Variants in LETM1 observed in about 807,000 individuals in gnomAD.
LETM1 encodes the protein mitochondrial proton/calcium exchanger protein.
LETM1 carries 50 observed loss-of-function variants against 74.5 expected under a neutral mutation model. The ratio of observed to expected loss-of-function variants is 0.67; its 90% confidence interval spans 0.53 to 0.85. LETM1 has a LOEUF of 0.85. Among genes scored for constraint, LETM1 ranks in the 40% least tolerant of loss-of-function variants. LETM1 has a pLI of 0.00. For synonymous variants in LETM1, 446 were observed against 407.1 expected (o/e 1.10, Z -1.15); for missense variants, 824 against 967.8 (o/e 0.85, Z 1.97).
Position 1,814,260 on chromosome 4 carries a change from T to TC in LETM1, c.*163dup. On this transcript the variant is annotated 3_prime_UTR_variant, in exon 14 of 14. Transcript: ENST00000302787. ...TCCGGGATTCCAGACAGACTGAATCTCCGTGGAATGATGAAAATTAAAATT... is the reference window on the plus strand; with the variant it reads ...TCCGGGATTCCAGACAGACTGAATCTCCCGTGGAATGATGAAAATTAAAATT... The TC allele has an allele frequency of 8.8e-7, 1 of 1,130,036 alleles. No individual in the cohort carries two copies. 70.0% of individuals were successfully genotyped at this position (1,130,036 alleles called of 1,614,324 possible).
At chr4:1,848,417 G>A (rs1226115714) in intron 2 of LETM1, among the ~76,000 whole-genome samples, 16 of 151,860 alleles carry the variant, frequency 1.1e-4, no homozygotes, top group Admixed American at 3.3e-4. Flanking sequence ...GCGTGGTGGC[G>A]GGCGCCTGTA....
At chr4:1,851,372 A>C (rs1713066184) in intron 1 of LETM1, among the ~76,000 whole-genome samples, 1 of 152,198 alleles carries the variant, frequency 6.6e-6, no homozygotes, top group South Asian at 2.1e-4. Context: ...AACGAGAGCC[A>C]CCGTGAGAGG....
At chr4:1,838,840 T>C (rs1395587310) in intron 3 of LETM1, among the ~76,000 whole-genome samples, 1 of 152,136 alleles carries the variant, frequency 6.6e-6, no homozygotes, top group Non-Finnish European at 1.5e-5. Flanking sequence ...GGCTGCACTC[T>C]CTGAGGCCCA....
chr4:1,852,038 C>T (rs990373444), intron 1 of LETM1, among the ~76,000 whole-genome samples: 13 of 152,158 alleles, frequency 8.5e-5, no homozygotes, highest in African/African-American at 2.9e-4. Context: ...GCTGGGAGCC[C>T]TTCTGTTCTT....
At chr4:1,841,918 C>G in intron 2 of LETM1, 121 bp from the exon 3 acceptor site, 1 of 732,702 alleles carries the variant, frequency 1.4e-6, no homozygotes, top group Non-Finnish European at 2.3e-6. Context: ...CACAACCACA[C>G]ACAATCCCAC....
intron 2 of LETM1, among the ~76,000 whole-genome samples, chr4:1,848,282 C>T (rs1304690668): frequency 1.3e-5 from 2 of 152,090 alleles, no homozygotes; most frequent in Admixed American, 6.6e-5. Context: ...GACGCGGTGG[C>T]TCATGCCTGT....
chr4:1,823,715 T>C lies in LETM1; in HGVS notation c.1261A>G (p.Met421Val). 1.9e-6 allele frequency: 3 copies of C among 1,613,800 alleles called. No homozygotes were observed. Among genetic ancestry groups the C allele is most frequent in the Non-Finnish European group, 2.5e-6 (3 of 1,179,884 alleles). ...GGAGAGAGGGTGTCCGGGAGGTACA[T>C]GGCCCGGGACAGGATGAGCAGCGAT... is the stretch of plus-strand genomic sequence containing the variant. ...PTSLLILSRA[M>V]YLPDTLSPAD... The change falls in exon 8 of 14, where the codon ATG becomes GTG. Residue 421 changes from methionine (M) to valine (V), a missense_variant. By Grantham distance (21) the Met-to-Val change is conservative. Coordinates refer to ENST00000302787, the MANE Select transcript of LETM1 (RefSeq NM_012318.3).
chr4:1,850,135 C>T lies in LETM1; in HGVS notation c.83-926G>A, dbSNP rs188835379. Among the ~76,000 whole-genome samples the T allele has an allele frequency of 1.8e-3, 271 of 151,486 alleles. 1 individual carries two copies. Among genetic ancestry groups the T allele is most frequent in the African/African-American group, 6.3e-3 (261 of 41,300 alleles). ...CACCATTGCACTCCAGCCTGGGCAA[C>T]AAGAGTGAAACTCCGTCTCAAAAAG... On this transcript the variant is annotated intron_variant, in intron 1 of 13. Coordinates refer to ENST00000302787, the MANE Select transcript of LETM1 (RefSeq NM_012318.3).
rs566954960 is a variant in LETM1, at chr4:1,849,158, C to T, written c.134G>A (p.Arg45Lys). 11 of 1,612,550 alleles carry T rather than the reference C, an allele frequency of 6.8e-6. No homozygotes were observed. The highest frequency in any genetic ancestry group is 1.6e-4 in the Middle Eastern group (1 of 6,062). ...HLSCASTLGL[R>K]NCLNVPFGCC... ...ATACTGATTTACTCACAGGCAGTTCCTCAACCCCAGGGTGCTGGCACAGCT... is the reference window on the plus strand; with the variant it reads ...ATACTGATTTACTCACAGGCAGTTCTTCAACCCCAGGGTGCTGGCACAGCT... The change falls in exon 2 of 14, where the codon AGG (arginine) becomes AAG (lysine). Residue 45 changes from arginine to lysine, a missense_variant. Physicochemically the swap from Arg to Lys is conservative, Grantham distance 26. This residue lies in a region of LETM1 where 222 missense variants were observed against 195.6 expected (regional missense o/e 1.14). Coordinates refer to ENST00000302787, the MANE Select transcript of LETM1 (RefSeq NM_012318.3).
intron 3 of LETM1, chr4:1,839,387 G>C (rs1712607172): frequency 6.6e-6 from 1 of 152,404 alleles, no homozygotes; most frequent in Non-Finnish European, 1.5e-5. Context: ...CACCTGTGCA[G>C]ATGCAGACCC....
chr4:1,856,022 G>T lies in LETM1; in HGVS notation c.-72C>A. On this transcript the variant is annotated 5_prime_UTR_variant, in exon 1 of 14. Transcript: ENST00000302787. ...TCCGCGGCGGCCGCGGCTCTTCGCCGTCCCGGCGGCGCTTCAGACCCGGCC... is the reference window on the plus strand; with the variant it reads ...TCCGCGGCGGCCGCGGCTCTTCGCCTTCCCGGCGGCGCTTCAGACCCGGCC... The T allele has an allele frequency of 1.9e-6, 2 of 1,027,814 alleles. No individual in the cohort carries two copies. The highest frequency in any genetic ancestry group is 2.5e-6 in the Non-Finnish European group (2 of 812,336). The allele number at this position is 1,027,814 out of a possible 1,614,324, so 63.7% of individuals were successfully genotyped here.
chr4:1,823,099 C>T lies in LETM1; in HGVS notation c.1365G>A (p.Val455=), dbSNP rs1004808265. The change falls in exon 9 of 14, where the codon GTG becomes GTA. Residue 455 remains valine, a synonymous_variant. Coordinates refer to ENST00000302787, the MANE Select transcript of LETM1 (RefSeq NM_012318.3). ...CCTTGTTGTCCACCTGCTCGCCCTC[C>T]ACCTCGGCCACTTTCACCTGTGCTT... ...AKEAQVKVAE[V]EGEQVDNKAK... 7 of 1,606,920 alleles carry T rather than the reference C, an allele frequency of 4.4e-6. No individual in the cohort carries two copies. The highest frequency in any genetic ancestry group is 5.1e-6 in the Non-Finnish European group (6 of 1,176,094).
rs1395665536 is a variant in LETM1 at position 1,836,599 on chromosome 4, G to C, written c.595-27C>G. 1 of 1,612,446 alleles carries C rather than the reference G, an allele frequency of 6.2e-7. No individual in the cohort carries two copies. Among genetic ancestry groups the C allele is most frequent in the East Asian group, 2.2e-5 (1 of 44,856 alleles). ...TGGAAGGGGCGGAATCCATCAGAGG[G>C]GAGCAGAGCACATGTGGGAACAAGG... On this transcript the variant is annotated intron_variant, in intron 3 of 13. Transcript: ENST00000302787. The surrounding 1 kb of genome is among the most constrained non-coding windows in gnomAD (Gnocchi z 5.8).
chr4:1,819,586 A>C, intron 10 of LETM1, 114 bp from the exon 11 acceptor site: 2 of 1,211,574 alleles, frequency 1.7e-6, no homozygotes, highest in Middle Eastern at 2.0e-4. Flanking sequence ...CAAGAGTCTC[A>C]CTGGACAGTC....
chr4:1,831,876 G>C (rs770883833), intron 6 of LETM1, among the ~76,000 whole-genome samples: 8 of 152,186 alleles, frequency 5.3e-5, no homozygotes, highest in Non-Finnish European at 1.2e-4. Flanking sequence ...GAGAGCAAAA[G>C]AAAAAGGCCT....
chr4:1,814,762 C>A (rs918661544), intron 13 of LETM1, among the ~76,000 whole-genome samples, 189 bp from the exon 14 acceptor site: 1 of 152,212 alleles, frequency 6.6e-6, no homozygotes, highest in Non-Finnish European at 1.5e-5. Flanking sequence ...GGGGAAGGGG[C>A]TCAGAGTGGG....
At chr4:1,817,509 C>G (rs986555811) in intron 11 of LETM1, among the ~76,000 whole-genome samples, 2 of 151,998 alleles carry the variant, frequency 1.3e-5, no homozygotes, top group African/African-American at 4.8e-5. Context: ...TGCAGTGAGC[C>G]AAGATCACAT....
At position 1,832,908 on chromosome 4, in the gene LETM1, T is replaced by G. The variant is rs746420325; in HGVS notation, c.916A>C (p.Met306Leu). 6.2e-7 allele frequency: 1 copy of G among 1,612,854 alleles called. No individual in the cohort carries two copies. The highest frequency in any genetic ancestry group is 8.5e-7 in the Non-Finnish European group (1 of 1,180,008). ...TGERPSNEEIMRFSKLFEDEL... is the reference protein window; with the variant it reads ...TGERPSNEEILRFSKLFEDEL... ...TCCTCAAATAATTTGGAAAAACGCATGATTTCCTCATTGCTGGGCCTCTCC... is the reference window on the plus strand; with the variant it reads ...TCCTCAAATAATTTGGAAAAACGCAGGATTTCCTCATTGCTGGGCCTCTCC... The change falls in exon 6 of 14, where the codon ATG (methionine) becomes CTG (leucine). Residue 306 changes from methionine (M) to leucine (L), a missense_variant. Around this residue, in one of 4 missense-constraint regions of LETM1, gnomAD observed 269 missense variants for 348.8 expected, o/e 0.77. Transcript: ENST00000302787.
At chr4:1,844,637 G>A (rs527830232) in intron 2 of LETM1, among the ~76,000 whole-genome samples, 4 of 152,016 alleles carry the variant, frequency 2.6e-5, no homozygotes, top group South Asian at 2.1e-4. Context: ...GGGCTGAGGC[G>A]TGAGAACTGC....
Sources: allele counts gnomAD v4.1 joint callset (sites outside exome capture counted in the v4.1 genomes callset), GRCh38; gene constraint gnomAD v4.1.1; regional missense constraint gnomAD v4.1.1; non-coding constraint Gnocchi (gnomAD v3.1); transcripts MANE v1.5; gene names NCBI Gene and HGNC (gene_info 2026-07-23, HGNC 2026-07-21).